PLEKHD1: variants seen among roughly 807,000 people sequenced by gnomAD.
The protein encoded by PLEKHD1 is pleckstrin homology and coiled-coil domain containing D1, also known as pleckstrin homology domain-containing family D member 1.
A neutral mutation model predicts 69.2 loss-of-function variants in PLEKHD1; 51 were observed. The observed-to-expected ratio is 0.74, with a 90% confidence interval of 0.59 to 0.93. The LOEUF (loss-of-function observed/expected upper bound fraction) is 0.93. Among genes scored for constraint, PLEKHD1 ranks in the 40% least tolerant of loss-of-function variants. PLEKHD1 has a pLI of 0.00. For missense variants in PLEKHD1, 584 were observed against 641.0 expected (o/e 0.91, Z 0.96); for synonymous variants, 236 against 244.7 (o/e 0.96, Z 0.33).
intron 6 of PLEKHD1, among the ~76,000 whole-genome samples, chr14:69,514,757 G>A (rs943621495): frequency 6.6e-6 from 1 of 152,098 alleles, no homozygotes; most frequent in Admixed American, 6.6e-5. Flanking sequence ...CCTGGACTGT[G>A]AACTTCATAA....
chr14:69,485,478 G>A (rs1032558491), intron 1 of PLEKHD1, among the ~76,000 whole-genome samples: 4 of 152,252 alleles, frequency 2.6e-5, no homozygotes, highest in South Asian at 2.1e-4. Flanking sequence ...CCCCAACCCC[G>A]GGACCCCCAC....
At chr14:69,475,964 A>C in the PLEKHD1 span, among the ~76,000 whole-genome samples, 2 of 152,240 alleles carry the variant, frequency 1.3e-5, no homozygotes, top group African/African-American at 4.8e-5. Flanking sequence ...GTGGCATCAG[A>C]AAAGGCATCA....
At chr14:69,517,509 G>T (rs1000747559) in intron 6 of PLEKHD1, among the ~76,000 whole-genome samples, 1 of 152,144 alleles carries the variant, frequency 6.6e-6, no homozygotes, top group Admixed American at 6.5e-5. Context: ...CTTGGATCTA[G>T]CGCAGACAGA....
chr14:69,510,307 A>T (rs1490123647), intron 6 of PLEKHD1, among the ~76,000 whole-genome samples: 1 of 152,238 alleles, frequency 6.6e-6, no homozygotes, highest in Non-Finnish European at 1.5e-5. Flanking sequence ...GCAAATATTG[A>T]ATCATCCTAT....
chr14:69,507,038 GA>G (rs1883168787), intron 6 of PLEKHD1, among the ~76,000 whole-genome samples: 1 of 151,870 alleles, frequency 6.6e-6, no homozygotes, highest in Non-Finnish European at 1.5e-5. Context: ...GAGTAGCTGG[GA>G]ATACAGGCGC....
chr14:69,522,996 C>T (rs573883621), intron 7 of PLEKHD1, among the ~76,000 whole-genome samples: 25 of 152,238 alleles, frequency 1.6e-4, no homozygotes, highest in Non-Finnish European at 2.2e-4. Context: ...TGCAGTGGCA[C>T]GATCTCGGCT....
chr14:69,521,122 A>G (rs1462765093), intron 6 of PLEKHD1, among the ~76,000 whole-genome samples: 5 of 152,216 alleles, frequency 3.3e-5, no homozygotes, highest in Admixed American at 3.3e-4. Flanking sequence ...CCTGAGTGAC[A>G]GAGACTCCAT....
chr14:69,511,707 A>G (rs1883275845), intron 6 of PLEKHD1, among the ~76,000 whole-genome samples: 1 of 151,712 alleles, frequency 6.6e-6, no homozygotes, highest in South Asian at 2.1e-4. Flanking sequence ...GCGCCACCAT[A>G]CCTGGCTAAG....
chr14:69,517,645 C>T (rs1883414903), intron 6 of PLEKHD1, among the ~76,000 whole-genome samples: 1 of 152,130 alleles, frequency 6.6e-6, no homozygotes, highest in African/African-American at 2.4e-5. Flanking sequence ...GTCAGCCTGT[C>T]CAGCTTCCCA....
intron 1 of PLEKHD1, among the ~76,000 whole-genome samples, chr14:69,498,430 A>G (rs1010602982): frequency 6.6e-6 from 1 of 152,056 alleles, no homozygotes; most frequent in Admixed American, 6.6e-5. Flanking sequence ...CTCACACCAC[A>G]GCACAGAGCT....
intron 6 of PLEKHD1, among the ~76,000 whole-genome samples, chr14:69,515,037 A>C (rs914268318): frequency 6.6e-6 from 1 of 152,138 alleles, no homozygotes; most frequent in African/African-American, 2.4e-5. Context: ...GTCTCTACTA[A>C]AAATACAAAA....
rs1373045663 is a variant in PLEKHD1, at chr14:69,484,856, C to T, written c.-110C>T. The T allele has an allele frequency of 3.0e-6, 4 of 1,331,462 alleles. No homozygotes were observed. The highest frequency in any genetic ancestry group is 4.1e-6 in the Non-Finnish European group (4 of 983,642). The allele number at this position is 1,331,462 out of a possible 1,614,324, so 82.5% of individuals were successfully genotyped here. ...AGCTCCGGGCCGGGCCGCTCTGCTT[C>T]TCTGCTCGCTGGGACGCTCTCCGAC... On this transcript the variant is annotated 5_prime_UTR_variant, in exon 1 of 13. Transcript: ENST00000322564.
intron 6 of PLEKHD1, among the ~76,000 whole-genome samples, chr14:69,521,586 A>G (rs1474897543): frequency 6.6e-6 from 1 of 152,218 alleles, no homozygotes; most frequent in Non-Finnish European, 1.5e-5. Flanking sequence ...ATTACGTGAA[A>G]TGTGCCCCCC....
At chr14:69,526,576 G>A in intron 9 of PLEKHD1, 121 bp from the exon 10 acceptor site, 1 of 1,245,846 alleles carries the variant, frequency 8.0e-7, no homozygotes, top group Non-Finnish European at 1.1e-6. Context: ...CAAAGTTCAG[G>A]GGCTCATAAA....
chr14:69,509,882 GA>G (rs1282225959), intron 6 of PLEKHD1, among the ~76,000 whole-genome samples: 1 of 151,702 alleles, frequency 6.6e-6, no homozygotes, highest in Non-Finnish European at 1.5e-5. Flanking sequence ...AGGTTGCTGT[GA>G]GCCAAGATCA....
chr14:69,519,024 A>T (rs931320410), intron 6 of PLEKHD1, among the ~76,000 whole-genome samples: 1 of 152,086 alleles, frequency 6.6e-6, no homozygotes, highest in South Asian at 2.1e-4. Context: ...CAGCTGAGAC[A>T]GAGAGAAAGG....
At chr14:69,528,036 G>A (rs1883699878) in intron 12 of PLEKHD1, 104 bp downstream of exon 12, 1 of 1,520,944 alleles carries the variant, frequency 6.6e-7, no homozygotes. Context: ...TGGAGAGTGT[G>A]GCCTTGAACC....
chr14:69,500,482 A>G, intron 2 of PLEKHD1, 95 bp from the exon 3 acceptor site: 1 of 981,580 alleles, frequency 1.0e-6, no homozygotes, highest in Non-Finnish European at 1.5e-6. Flanking sequence ...ATCCTGGGGC[A>G]CTTGGCAGGA....
intron 6 of PLEKHD1, among the ~76,000 whole-genome samples, chr14:69,512,652 G>T (rs1883295802): frequency 6.6e-6 from 1 of 152,056 alleles, no homozygotes; most frequent in African/African-American, 2.4e-5. Context: ...GTGTTATTTA[G>T]AAATGTGTTC....
Sources: allele counts gnomAD v4.1 joint callset (sites outside exome capture counted in the v4.1 genomes callset), GRCh38; gene constraint gnomAD v4.1.1; transcripts MANE v1.5; gene names NCBI Gene and HGNC (gene_info 2026-07-23, HGNC 2026-07-21).